The following SGMS1 variants were observed in gnomAD, a reference collection of about 807,000 sequenced individuals.
The protein encoded by SGMS1 is phosphatidylcholine:ceramide cholinephosphotransferase 1.
A neutral mutation model predicts 46.2 loss-of-function variants in SGMS1; 13 were observed. The ratio of observed to expected loss-of-function variants is 0.28; its 90% CI spans 0.18 to 0.45. The LOEUF (loss-of-function observed/expected upper bound fraction) is 0.45. SGMS1 is among the 20% of genes least tolerant of loss of function. The pLI, the probability that SGMS1 is intolerant of heterozygous loss-of-function variation, is 1.00. For synonymous variants in SGMS1, 203 were observed against 187.8 expected (o/e 1.08, Z -0.66); for missense variants, 324 against 519.9 (o/e 0.62, Z 3.66).
At chr10:50,383,513 T>G (rs190495679) in intron 6 of SGMS1, among the ~76,000 whole-genome samples, 1 of 152,104 alleles carries the variant, frequency 6.6e-6, no homozygotes, top group Non-Finnish European at 1.5e-5. Context: ...ACAGGAAAGT[T>G]TGGAAAAGGT....
intron 1 of SGMS1, among the ~76,000 whole-genome samples, chr10:50,615,643 C>G (rs538075698): frequency 6.6e-6 from 1 of 152,216 alleles, no homozygotes; most frequent in South Asian, 2.1e-4. Flanking sequence ...AATCCCACAG[C>G]ACTGATTTTG....
chr10:50,335,409 C>T (rs1286315541), intron 7 of SGMS1: 1 of 152,216 alleles, frequency 6.6e-6, no homozygotes, highest in Non-Finnish European at 1.5e-5. Context: ...TTATGCATAT[C>T]ATCTCGTTCA....
intron 6 of SGMS1, among the ~76,000 whole-genome samples, chr10:50,394,510 A>C (rs1231145541): frequency 1.3e-5 from 2 of 152,258 alleles, no homozygotes; most frequent in Non-Finnish European, 2.9e-5. Context: ...CCCATTTGCC[A>C]TTCAATTACC....
chr10:50,366,327 A>C (rs924922623), intron 6 of SGMS1, among the ~76,000 whole-genome samples: 34 of 152,218 alleles, frequency 2.2e-4, no homozygotes, highest in African/African-American at 8.2e-4. Flanking sequence ...TTGTGGAAAA[A>C]TATAAACGCT....
intron 2 of SGMS1, among the ~76,000 whole-genome samples, chr10:50,564,287 G>A (rs576023838): frequency 1.3e-5 from 2 of 152,332 alleles, no homozygotes; most frequent in East Asian, 3.9e-4. Flanking sequence ...TGGGCAGAGC[G>A]GGCTTCTAGA....
At chr10:50,495,238 C>CAA (rs35409405) in intron 3 of SGMS1, among the ~76,000 whole-genome samples, 47,274 of 75,686 alleles carry the variant, frequency 0.62, 13,824 homozygotes, top group Admixed American at 0.67. Flanking sequence ...GATTCCGTCT[C>CAA]AAAAAAAAAA....
At chr10:50,476,379 T>C (rs577596665) in intron 3 of SGMS1, among the ~76,000 whole-genome samples, 1 of 152,006 alleles carries the variant, frequency 6.6e-6, no homozygotes, top group South Asian at 2.1e-4. Flanking sequence ...GGCACTGCTA[T>C]AAAGATACCC....
intron 2 of SGMS1, among the ~76,000 whole-genome samples, chr10:50,575,449 G>A (rs951576361): frequency 1.3e-5 from 2 of 152,150 alleles, no homozygotes; most frequent in Admixed American, 6.5e-5. Flanking sequence ...GGGAAGCTGA[G>A]GCAGGAGGAT....
chr10:50,556,303 T>G (rs915049746), intron 2 of SGMS1, among the ~76,000 whole-genome samples: 42 of 152,178 alleles, frequency 2.8e-4, no homozygotes, highest in Admixed American at 1.6e-3. Context: ...ACCACTGCCC[T>G]CAGGACCACC....
rs1441510156 is a variant in SGMS1 at position 50,343,908 on chromosome 10, C to T, written c.207G>A (p.Met69Ile). The stretch of plus-strand genomic sequence containing the variant: ...TCTTGTGTGCTTCCAAATGGTGCTC[C>T]ATTTTCAGGGTTTCTATCATGTCCA... ...RLLDMIETLK[M>I]EHHLEAHKNG... Residue 69 changes from methionine to isoleucine, a missense_variant, in exon 7 of 11, where the codon ATG (methionine) becomes ATA (isoleucine). Physicochemically the swap from Met to Ile is conservative, Grantham distance 10 (BLOSUM62 1). This residue lies in a region of SGMS1 where 150 missense variants were observed against 169.8 expected (regional missense o/e 0.88). Transcript: ENST00000361781. 2 of 1,614,120 alleles carry T rather than the reference C, an allele frequency of 1.2e-6. No individual in the cohort carries two copies. Among genetic ancestry groups the T allele is most frequent in the Admixed American group, 1.7e-5 (1 of 60,014 alleles).
At chr10:50,373,678 A>G (rs1471378264) in intron 6 of SGMS1, among the ~76,000 whole-genome samples, 1 of 152,216 alleles carries the variant, frequency 6.6e-6, no homozygotes, top group East Asian at 1.9e-4. Context: ...AAAGATAAAA[A>G]CTGGAAAAAT....
chr10:50,348,402 T>C (rs1295581118), intron 6 of SGMS1, among the ~76,000 whole-genome samples: 1 of 152,156 alleles, frequency 6.6e-6, no homozygotes, highest in Non-Finnish European at 1.5e-5. Context: ...GACATGATTG[T>C]ATATTTAGAA....
chr10:50,568,113 T>C (rs1390241285), intron 2 of SGMS1, among the ~76,000 whole-genome samples: 2 of 152,196 alleles, frequency 1.3e-5, no homozygotes, highest in African/African-American at 4.8e-5. Flanking sequence ...ACCTAAAATA[T>C]ATCAAACATC....
rs1847178777 is a variant in SGMS1, at chr10:50,306,101, C to T, written c.*1041G>A. 6.5e-6 allele frequency: 1 copy of T among 152,678 alleles called. No homozygotes were observed. The allele number at this position is 152,678 out of a possible 1,614,324, so 9.5% of individuals were successfully genotyped here. ...AAAACTCTCTTTAAGAAAAGATATT[C>T]ATGGCTGTTTTCATTGAGTAGTTAA... On this transcript the variant is annotated 3_prime_UTR_variant, in exon 11 of 11. Transcript: ENST00000361781.
intron 3 of SGMS1, among the ~76,000 whole-genome samples, chr10:50,517,624 T>C (rs903253856): frequency 6.6e-6 from 1 of 152,162 alleles, no homozygotes; most frequent in African/African-American, 2.4e-5. Context: ...CATTCAAGCA[T>C]TGAGAGCTGA....
chr10:50,366,063 G>A (rs916153536), intron 6 of SGMS1, among the ~76,000 whole-genome samples: 78 of 152,260 alleles, frequency 5.1e-4, no homozygotes, highest in African/African-American at 1.9e-3. Flanking sequence ...TGCAATAAAA[G>A]CCAAAATTGA....
At chr10:50,313,487 TG>T (rs1280234704) in intron 8 of SGMS1, among the ~76,000 whole-genome samples, 1 of 152,038 alleles carries the variant, frequency 6.6e-6, no homozygotes, top group Non-Finnish European at 1.5e-5. Context: ...AGGAGACTAC[TG>T]TTTTTTCACA....
intron 3 of SGMS1, among the ~76,000 whole-genome samples, chr10:50,505,595 T>C (rs548669470): frequency 6.6e-6 from 1 of 152,306 alleles, no homozygotes; most frequent in East Asian, 1.9e-4. Context: ...TCATGATTCT[T>C]TCAACAAGTA....
chr10:50,324,575 G>T (rs1847499921), intron 8 of SGMS1, among the ~76,000 whole-genome samples: 1 of 152,164 alleles, frequency 6.6e-6, no homozygotes, highest in Non-Finnish European at 1.5e-5. Flanking sequence ...GCCCTTGCCT[G>T]ACCACTGAAT....
Sources: gnomAD v4.1 joint callset for allele counts (sites outside exome capture counted in the v4.1 genomes callset) on GRCh38, gnomAD v4.1.1 for gene constraint, gnomAD v4.1.1 regional missense constraint, MANE v1.5 for transcripts, NCBI Gene and HGNC (gene_info 2026-07-23, HGNC 2026-07-21) for gene names.